ZNF628: variants seen among roughly 807,000 people sequenced by gnomAD.
The protein encoded by ZNF628 is zinc finger protein Zec.
A neutral mutation model predicts 2.5 loss-of-function variants in ZNF628; 3 were observed. That is an observed-to-expected ratio of 1.19 (90% CI 0.54 to 3.07). The LOEUF (loss-of-function observed/expected upper bound fraction) is 3.07, where lower values mean the gene tolerates loss of function less well. Ranked by LOEUF, ZNF628 falls within the 30% of genes most tolerant of loss-of-function variation. The probability of loss-of-function intolerance (pLI) is 0.03; values close to 1 mark genes in which losing one functional copy is unlikely to be tolerated. For missense variants in ZNF628, 1,610 were observed against 1,517.1 expected, an observed-to-expected ratio of 1.06 and a Z score of -1.02; for synonymous variants, 861 against 717.1, an observed-to-expected ratio of 1.20 and a Z score of -3.21.
rs1173838148 is a variant in ZNF628, at chr19:55,479,329, G to A, written c.-77-505G>A. Among the ~76,000 whole-genome samples the A allele has an allele frequency of 6.6e-6, 1 of 152,236 alleles. No homozygotes were observed. The highest frequency in any genetic ancestry group is 1.5e-5 in the Non-Finnish European group (1 of 68,038). On this transcript the variant is annotated intron_variant, in intron 1 of 2. Coordinates refer to ENST00000598519, the MANE Select transcript of ZNF628 (RefSeq NM_033113.3). This position sits in a 1 kb window ranked among gnomAD's most constrained non-coding sequence, Gnocchi z 5.1. Reference sequence around the variant, plus strand: ...CCCGCGTGGGACTGAAGGGGTTTGCGCTGGGAAAGAGCGGGCTGACACTTG... The same window carrying A: ...CCCGCGTGGGACTGAAGGGGTTTGCACTGGGAAAGAGCGGGCTGACACTTG...
Position 55,481,220 on chromosome 19 carries a change from C to G in ZNF628, c.27C>G (p.His9Gln). Reference sequence around the variant, plus strand: ...CCCCAGGTGTGATGGTCGGCTCCCACGCGGACATGGCGCCGGCCTCTACTG... The same window carrying G: ...CCCCAGGTGTGATGGTCGGCTCCCAGGCGGACATGGCGCCGGCCTCTACTG... The part of the protein sequence containing the change: MSGVMVGS[H>Q]ADMAPASTAE... The change falls in exon 3 of 3, where the codon CAC (histidine) becomes CAG (glutamine). Residue 9 changes from histidine (H) to glutamine (Q), a missense_variant. This residue lies in a region of ZNF628 where 60 missense variants were observed against 46.8 expected (regional missense o/e 1.28). Transcript: ENST00000598519. 2 of 1,559,102 alleles carry G rather than the reference C, an allele frequency of 1.3e-6. No individual in the cohort carries two copies. Among genetic ancestry groups the G allele is most frequent in the Non-Finnish European group, 1.7e-6 (2 of 1,155,362 alleles).
chr19:55,482,105 C>A lies in ZNF628; in HGVS notation c.912C>A (p.Phe304Leu), dbSNP rs1198015584. The A allele has an allele frequency of 2.6e-6, 4 of 1,510,042 alleles. No homozygotes were observed. In the South Asian group the frequency reaches 3.6e-5, roughly 14 times the overall value. 93.5% of individuals were successfully genotyped at this position (1,510,042 alleles called of 1,614,324 possible). A position where few individuals can be genotyped will look rare whatever the true frequency, so the allele number is the denominator to read the frequency against. Reference protein sequence around the residue: ...VYRCDGCEQGFSSEELLLEHQ... With the variant: ...VYRCDGCEQGLSSEELLLEHQ... ...GCTGCGATGGCTGCGAGCAGGGATT[C>A]AGCAGCGAGGAGCTGCTCCTGGAGC... Residue 304 changes from phenylalanine to leucine, a missense_variant, in exon 3 of 3, where the codon TTC becomes TTA. Physicochemically the swap from Phe to Leu is conservative, Grantham distance 22. This residue lies in a region of ZNF628 where 651 missense variants were observed against 575.6 expected (regional missense o/e 1.13). Coordinates refer to ENST00000598519, the MANE Select transcript of ZNF628 (RefSeq NM_033113.3).
At chr19:55,480,164 G>C (rs1216134150) in intron 2 of ZNF628, among the ~76,000 whole-genome samples, 3 of 152,056 alleles carry the variant, frequency 2.0e-5, no homozygotes, top group Non-Finnish European at 4.4e-5. Flanking sequence ...GGGAGTTGGA[G>C]CACCAAGCTA....
chr19:55,482,867 C>G lies in ZNF628; in HGVS notation c.1674C>G (p.His558Gln), dbSNP rs1344209904. 10 of 1,602,608 alleles carry G rather than the reference C, an allele frequency of 6.2e-6. No homozygotes were observed. Among genetic ancestry groups the G allele is most frequent in the African/African-American group, 1.3e-5 (1 of 74,626 alleles). Residue 558 changes from histidine (H) to glutamine (Q), a missense_variant, in exon 3 of 3, where the codon CAC becomes CAG. His to Gln is a conservative substitution (Grantham distance 24, BLOSUM62 0). Transcript: ENST00000598519. ...CGTCGTGCCTGCGTCGCCACCGCCACGTGCACACTGGCGAGAGGCCCCACG... is the reference window on the plus strand; with the variant it reads ...CGTCGTGCCTGCGTCGCCACCGCCAGGTGCACACTGGCGAGAGGCCCCACG... ...RNTSCLRRHR[H>Q]VHTGERPHAC...
rs756567133 is a variant in ZNF628 at position 55,484,065 on chromosome 19, C to G, written c.2872C>G (p.Pro958Ala). 1.1e-5 allele frequency: 18 copies of G among 1,593,280 alleles called. No homozygotes were observed. Among genetic ancestry groups the G allele is most frequent in the Non-Finnish European group, 1.5e-5 (17 of 1,171,090 alleles). The change falls in exon 3 of 3, where the codon CCT (proline) becomes GCT (alanine). Residue 958 changes from proline to alanine, a missense_variant. Around this residue, in one of 5 missense-constraint regions of ZNF628, gnomAD observed 712 missense variants for 603.6 expected, o/e 1.18. Transcript: ENST00000598519. ...RLCVQEVETL[P>A]PGLTEPPATG... ...CTGCGTACAGGAGGTAGAAACACTT[C>G]CTCCTGGGCTGACGGAGCCGCCTGC... is the stretch of plus-strand genomic sequence containing the variant.
chr19:55,484,340 T>G lies in ZNF628; in HGVS notation c.3147T>G (p.Thr1049=). The G allele has an allele frequency of 6.8e-7, 1 of 1,466,042 alleles. No individual in the cohort carries two copies. Among genetic ancestry groups the G allele is most frequent in the African/African-American group, 1.4e-5 (1 of 70,128 alleles). 90.8% of individuals were successfully genotyped at this position (1,466,042 alleles called of 1,614,324 possible). A position where few individuals can be genotyped will look rare whatever the true frequency, so the allele number is the denominator to read the frequency against. ...TGCCCTCCATCCAGATTGTCCAGACTCTACCCGCAGTCCAGCTGGTGCACA... is the reference window on the plus strand; with the variant it reads ...TGCCCTCCATCCAGATTGTCCAGACGCTACCCGCAGTCCAGCTGGTGCACA... ...QGLPSIQIVQ[T]LPAVQLVHTF The change falls in exon 3 of 3, where the codon ACT becomes ACG. Residue 1049 remains threonine, a synonymous_variant. Transcript: ENST00000598519.
chr19:55,479,219 G>A lies in ZNF628; in HGVS notation c.-77-615G>A, dbSNP rs1214594907. ...GGGCAGTGAGGGAGCGAGGTATCCC[G>A]GAGGCCAGGGGGAGGCGGGCCACGG... is the stretch of plus-strand genomic sequence containing the variant. On this transcript the variant is annotated intron_variant, in intron 1 of 2. Coordinates refer to ENST00000598519, the MANE Select transcript of ZNF628 (RefSeq NM_033113.3). The surrounding 1 kb of genome is among the most constrained non-coding windows in gnomAD (Gnocchi z 5.1). 1.3e-5 allele frequency among the ~76,000 whole-genome samples: 2 copies of A among 152,160 alleles called. No homozygotes were observed. Among genetic ancestry groups the A allele is most frequent in the African/African-American group, 2.4e-5 (1 of 41,434 alleles).
At position 55,483,153 on chromosome 19, in the gene ZNF628, A is replaced by G. The variant is rs749592612; in HGVS notation, c.1960A>G (p.Thr654Ala). Residue 654 changes from threonine (T) to alanine (A), a missense_variant, in exon 3 of 3, where the codon ACA becomes GCA. By Grantham distance (58) the Thr-to-Ala change is moderately conservative. Coordinates refer to ENST00000598519, the MANE Select transcript of ZNF628 (RefSeq NM_033113.3). ...HAPANTPPST[T>A]APAAGPQPPA... ...CCCGGCCAACACGCCTCCCAGCACC[A>G]CAGCCCCTGCCGCCGGCCCCCAGCC... is the stretch of plus-strand genomic sequence containing the variant. 6.4e-6 allele frequency: 10 copies of G among 1,567,308 alleles called. No individual in the cohort carries two copies. Among genetic ancestry groups the G allele is most frequent in the Non-Finnish European group, 8.6e-6 (10 of 1,163,938 alleles).
Position 55,481,206 on chromosome 19 carries a change from A to G in ZNF628, c.13A>G (p.Met5Val), listed in dbSNP as rs1360252808. 2 of 1,540,982 alleles carry G rather than the reference A, an allele frequency of 1.3e-6. No individual in the cohort carries two copies. The highest frequency in any genetic ancestry group is 1.4e-5 in the African/African-American group (1 of 72,920). The change falls in exon 3 of 3, where the codon ATG becomes GTG. Residue 5 changes from methionine (M) to valine (V), a missense_variant. Transcript: ENST00000598519. Reference sequence around the variant, plus strand: ...ACCCAGAATCCCTCCCCCAGGTGTGATGGTCGGCTCCCACGCGGACATGGC... The same window carrying G: ...ACCCAGAATCCCTCCCCCAGGTGTGGTGGTCGGCTCCCACGCGGACATGGC... MSGV[M>V]VGSHADMAPA...
At chr19:55,477,846 T>C (rs1986597945) in intron 1 of ZNF628, among the ~76,000 whole-genome samples, 1 of 152,208 alleles carries the variant, frequency 6.6e-6, no homozygotes, top group Non-Finnish European at 1.5e-5. Flanking sequence ...ATTTGTTTAC[T>C]GCGCACACAC....
intron 1 of ZNF628, 95 bp downstream of exon 1, chr19:55,476,902 G>A (rs1986560959): frequency 6.6e-6 from 1 of 151,468 alleles, no homozygotes; most frequent in African/African-American, 2.4e-5. Flanking sequence ...AACCGGAAGG[G>A]GTACCTTAAA....
In ZNF628 at chr19:55,482,550, C is replaced by A. The variant is rs925666316; in HGVS notation, c.1357C>A (p.Pro453Thr). The A allele has an allele frequency of 1.9e-6, 3 of 1,546,216 alleles. No individual in the cohort carries two copies. ...GTCCGCCCCCGCTTCTGCGGAGCGG[C>A]CCTACAAATGTGCCGAGTGCGGCAA... ...PPSAPASAER[P>T]YKCAECGKSF... The change falls in exon 3 of 3, where the codon CCC becomes ACC. Residue 453 changes from proline to threonine, a missense_variant. Physicochemically the swap from Pro to Thr is conservative, Grantham distance 38 (BLOSUM62 -1). Transcript: ENST00000598519.
In ZNF628 at chr19:55,483,170, C is replaced by T. The variant is rs774494338; in HGVS notation, c.1977C>T (p.Gly659=). The change falls in exon 3 of 3, where the codon GGC becomes GGT. Residue 659 remains glycine, a synonymous_variant. Transcript: ENST00000598519. The part of the protein sequence containing the change: ...TPPSTTAPAA[G]PQPPAPLAAA... ...CCAGCACCACAGCCCCTGCCGCCGG[C>T]CCCCAGCCCCCTGCTCCACTGGCTG... 468 of 1,548,312 alleles carry T rather than the reference C, an allele frequency of 3.0e-4. 1 individual carries two copies. The Middle Eastern group carries it at 6.8e-3, about 22-fold the overall frequency.
rs748807301 is a variant in ZNF628, at chr19:55,479,807, C to T, written c.-77-27C>T. 3.3e-5 allele frequency: 13 copies of T among 397,972 alleles called. No homozygotes were observed. The highest frequency in any genetic ancestry group is 1.3e-4 in the South Asian group (1 of 7,822). The allele number at this position is 397,972 out of a possible 1,614,324, so 24.7% of individuals were successfully genotyped here. A position where few individuals can be genotyped will look rare whatever the true frequency, so the allele number is the denominator to read the frequency against. On this transcript the variant is annotated intron_variant, in intron 1 of 2. Coordinates refer to ENST00000598519, the MANE Select transcript of ZNF628 (RefSeq NM_033113.3). This position sits in a 1 kb window ranked among gnomAD's most constrained non-coding sequence, Gnocchi z 5.1. ...ATCGTGGTCAGAATGTGAGAAACTTCGCGTCTGATTGCTTTTATTTTCACA... is the reference window on the plus strand; with the variant it reads ...ATCGTGGTCAGAATGTGAGAAACTTTGCGTCTGATTGCTTTTATTTTCACA...
chr19:55,482,537 T>C lies in ZNF628; in HGVS notation c.1344T>C (p.Ala448=). The C allele has an allele frequency of 7.0e-7, 1 of 1,437,594 alleles. No homozygotes were observed. The allele number at this position is 1,437,594 out of a possible 1,614,324, so 89.1% of individuals were successfully genotyped here. ...CGCCGCCACCCCCGTCCGCCCCCGC[T>C]TCTGCGGAGCGGCCCTACAAATGTG... ...PVPPPPPSAP[A]SAERPYKCAE... Residue 448 remains alanine, a synonymous_variant, in exon 3 of 3, where the codon GCT becomes GCC. Coordinates refer to ENST00000598519, the MANE Select transcript of ZNF628 (RefSeq NM_033113.3).
chr19:55,481,094 G>T, intron 2 of ZNF628, 107 bp from the exon 3 acceptor site: 1 of 1,397,782 alleles, frequency 7.2e-7, no homozygotes, highest in South Asian at 1.5e-5. Flanking sequence ...CTGCAAAGTG[G>T]GTGACCTGGG....
At position 55,481,858 on chromosome 19, in the gene ZNF628, A is replaced by C. The variant is rs760111337; in HGVS notation, c.665A>C (p.His222Pro). Residue 222 changes from histidine (H) to proline (P), a missense_variant, in exon 3 of 3, where the codon CAC becomes CCC. Physicochemically the swap from His to Pro is moderately conservative, Grantham distance 77. Coordinates refer to ENST00000598519, the MANE Select transcript of ZNF628 (RefSeq NM_033113.3). Reference sequence around the variant, plus strand: ...ACCCACTCCTCCAACCTGCTGCTGCACCAGCGCACGCACGGCGCCGCCCCC... The same window carrying C: ...ACCCACTCCTCCAACCTGCTGCTGCCCCAGCGCACGCACGGCGCCGCCCCC... ...TFTHSSNLLL[H>P]QRTHGAAPAP... 6 of 1,581,856 alleles carry C rather than the reference A, an allele frequency of 3.8e-6. No individual in the cohort carries two copies. The Admixed American group carries it at 7.1e-5, about 19-fold the overall frequency.
intron 1 of ZNF628, among the ~76,000 whole-genome samples, chr19:55,477,154 A>G (rs1160311904): frequency 2.0e-5 from 3 of 152,300 alleles, no homozygotes; most frequent in Admixed American, 6.5e-5. Context: ...GTTTAGCTCA[A>G]CAAAAGTGGA....
chr19:55,482,675 C>T lies in ZNF628; in HGVS notation c.1482C>T (p.Ser494=). Residue 494 remains serine, a synonymous_variant, in exon 3 of 3, where the codon TCC becomes TCT. Coordinates refer to ENST00000598519, the MANE Select transcript of ZNF628 (RefSeq NM_033113.3). ...AGTGCGGCAAGGCCTTCAAGCGCTC[C>T]TCCCTGCTGGCCATCCACCAGCGGG... ...CGECGKAFKR[S]SLLAIHQRVH... is the part of the protein sequence containing the mutation. The T allele has an allele frequency of 1.9e-6, 3 of 1,612,392 alleles. No individual in the cohort carries two copies. Among genetic ancestry groups the T allele is most frequent in the Non-Finnish European group, 2.5e-6 (3 of 1,179,454 alleles).
Sources: gnomAD v4.1 joint callset for allele counts (sites outside exome capture counted in the v4.1 genomes callset) on GRCh38, gnomAD v4.1.1 for gene constraint, gnomAD v4.1.1 regional missense constraint, Gnocchi (gnomAD v3.1) non-coding constraint, MANE v1.5 for transcripts, NCBI Gene and HGNC (gene_info 2026-07-23, HGNC 2026-07-21) for gene names.